The following MAEL variants were observed in gnomAD, a reference collection of about 807,000 sequenced individuals.
MAEL encodes the protein protein maelstrom homolog.
A neutral mutation model predicts 62.0 loss-of-function variants in MAEL; 46 were observed. The ratio of observed to expected loss-of-function variants is 0.74; its 90% CI spans 0.59 to 0.95. The LOEUF is 0.95. Ranked by LOEUF, MAEL falls within the 40% of genes least tolerant of loss-of-function variation. The pLI is 0.00. For synonymous variants in MAEL, 172 were observed against 175.5 expected, an observed-to-expected ratio of 0.98 and a Z score of 0.16; for missense variants, 497 against 526.8, an observed-to-expected ratio of 0.94 and a Z score of 0.55.
intron 1 of MAEL, among the ~76,000 whole-genome samples, chr1:166,979,343 T>A (rs1353791095): frequency 6.7e-6 from 1 of 149,256 alleles, no homozygotes; most frequent in Non-Finnish European, 1.5e-5. Context: ...TTCAAAACCA[T>A]CCTCAATGAA....
At chr1:167,007,700 A>G (rs1004229572) in intron 8 of MAEL, among the ~76,000 whole-genome samples, 3 of 151,934 alleles carry the variant, frequency 2.0e-5, no homozygotes, top group African/African-American at 7.2e-5. Flanking sequence ...TGTAATTTCA[A>G]TCCAATACCA....
At chr1:167,019,451 C>T (rs1048009675) in intron 10 of MAEL, among the ~76,000 whole-genome samples, 31 of 152,088 alleles carry the variant, frequency 2.0e-4, no homozygotes, top group African/African-American at 7.2e-4. Flanking sequence ...GGTCCTATTT[C>T]CCAGCCCTTC....
intron 9 of MAEL, among the ~76,000 whole-genome samples, chr1:167,016,531 G>C (rs1045639443): frequency 2.6e-5 from 4 of 152,128 alleles, no homozygotes; most frequent in African/African-American, 9.7e-5. Flanking sequence ...CTCATACACT[G>C]TTGGTGGGAT....
intron 5 of MAEL, among the ~76,000 whole-genome samples, chr1:166,994,629 G>A (rs1166604546): frequency 6.6e-6 from 1 of 150,718 alleles, no homozygotes; most frequent in Non-Finnish European, 1.5e-5. Flanking sequence ...AAGTGTCAGT[G>A]CATAGGGACT....
rs778657307 is a variant in MAEL, at chr1:166,989,759, A to G, written c.155A>G (p.Glu52Gly). 6 of 1,613,860 alleles carry G rather than the reference A, an allele frequency of 3.7e-6. No individual in the cohort carries two copies. Among genetic ancestry groups the G allele is most frequent in the Admixed American group, 1.7e-5 (1 of 59,984 alleles). The stretch of plus-strand genomic sequence containing the variant: ...AAGCTTCTGAGGGAGGAAGAAAAGG[A>G]GAAATACGCAGAAATGGCTCGAGAA... Reference protein sequence around the residue: ...DWALLREEEKEKYAEMAREWR... With the variant: ...DWALLREEEKGKYAEMAREWR... Residue 52 changes from glutamate to glycine, a missense_variant, in exon 2 of 12, where the codon GAG becomes GGG. Transcript: ENST00000367872.
upstream of MAEL, among the ~76,000 whole-genome samples, chr1:166,984,227 T>C (rs1485706145): frequency 3.9e-5 from 6 of 152,168 alleles, no homozygotes; most frequent in African/African-American, 1.4e-4. Flanking sequence ...AGTTCTATTT[T>C]TCCCAAAATA....
chr1:166,991,315 T>G (rs1664163844), intron 2 of MAEL, 63 bp from the exon 3 acceptor site: 2 of 1,009,492 alleles, frequency 2.0e-6, no homozygotes. Context: ...AGCTAAATTT[T>G]AATGTATGGT....
At chr1:166,985,757 C>T (rs1376545206), upstream of MAEL, among the ~76,000 whole-genome samples, 1 of 152,040 alleles carries the variant, frequency 6.6e-6, no homozygotes. Context: ...TTTACAATGA[C>T]CAGCATCCAA....
At position 166,975,640 on chromosome 1, in the gene MAEL, C is replaced by A; in HGVS notation, c.-147C>A. 2.6e-5 allele frequency: 4 copies of A among 152,236 alleles called. No homozygotes were observed. In the South Asian group the frequency reaches 7.7e-4, roughly 29 times the overall value. The allele number at this position is 152,236 out of a possible 1,614,324, so 9.4% of individuals were successfully genotyped here. On this transcript the variant is annotated 5_prime_UTR_variant, in exon 1 of 13. Coordinates refer to the MAEL transcript ENST00000622874. Reference sequence around the variant, plus strand: ...GCCGCGACTGCCAAAGTTTCTCGGTCACGTGCTGGCCCCCGGCGGCCCAAA... The same window carrying A: ...GCCGCGACTGCCAAAGTTTCTCGGTAACGTGCTGGCCCCCGGCGGCCCAAA...
At chr1:167,007,602 TACAC>T (rs1429121363) in intron 8 of MAEL, among the ~76,000 whole-genome samples, 1 of 142,742 alleles carries the variant, frequency 7.0e-6, no homozygotes, top group African/African-American at 2.7e-5. Context: ...TGTGTGTATG[TACAC>T]ACACACTCCA....
chr1:166,984,994 A>G (rs1663871528), upstream of MAEL, among the ~76,000 whole-genome samples: 1 of 152,214 alleles, frequency 6.6e-6, no homozygotes, highest in Non-Finnish European at 1.5e-5. Context: ...AAATGAATGT[A>G]TCCAGTAGCT....
At chr1:166,988,185 C>T (rs1476183149), upstream of MAEL, among the ~76,000 whole-genome samples, 1 of 151,432 alleles carries the variant, frequency 6.6e-6, no homozygotes, top group Non-Finnish European at 1.5e-5. Flanking sequence ...CTCGTCTCTA[C>T]AAAAAACAGA....
At chr1:167,004,066 C>T (rs982868286) in intron 5 of MAEL, 114 bp from the exon 6 acceptor site, 2 of 850,128 alleles carry the variant, frequency 2.4e-6, no homozygotes, top group African/African-American at 3.5e-5. Context: ...GGGCTTTGTA[C>T]AAGTACTTAA....
Position 167,021,147 on chromosome 1 carries a change from A to G in MAEL, c.1104A>G (p.Ser368=). 6.2e-7 allele frequency: 1 copy of G among 1,611,718 alleles called. No individual in the cohort carries two copies. The highest frequency in any genetic ancestry group is 8.5e-7 in the Non-Finnish European group (1 of 1,178,246). The change falls in exon 11 of 12, where the codon TCA becomes TCG. Residue 368 remains serine, a synonymous_variant. Coordinates refer to ENST00000367872, the MANE Select transcript of MAEL (RefSeq NM_032858.3). ...ACTCTTCTAATGAGGAACAAAGATC[A>G]AACACACCCATTGGTAAGCAACTTA... ...HFNSSNEEQR[S]NTPIGDYPSR...
chr1:166,991,523 A>C (rs1664174858), intron 3 of MAEL, 46 bp downstream of exon 3: 1 of 1,083,650 alleles, frequency 9.2e-7, no homozygotes, highest in African/African-American at 1.5e-5. Context: ...TTGAGTGCCC[A>C]AAACACTATA....
At chr1:166,989,704 G>A in intron 1 of MAEL, 33 bp from the exon 2 acceptor site, 1 of 1,602,528 alleles carries the variant, frequency 6.2e-7, no homozygotes, top group South Asian at 1.1e-5. Context: ...CCTCACGGCT[G>A]TTTCTCTTCT....
chr1:167,005,599 G>C (rs1170406060), intron 8 of MAEL: 1 of 434,860 alleles, frequency 2.3e-6, no homozygotes, highest in Non-Finnish European at 4.0e-6. Flanking sequence ...CAAATAAACT[G>C]TTCTTTCTTA....
intron 9 of MAEL, among the ~76,000 whole-genome samples, chr1:167,016,902 T>C (rs1439072573): frequency 2.6e-5 from 4 of 152,174 alleles, no homozygotes; most frequent in African/African-American, 9.6e-5. Flanking sequence ...ACATCTCATG[T>C]GCTCACTTAT....
In MAEL at chr1:166,989,303, G is replaced by T. The variant is rs751086693; in HGVS notation, c.-50G>T. 1.5e-5 allele frequency: 24 copies of T among 1,574,832 alleles called. No homozygotes were observed. Among genetic ancestry groups the T allele is most frequent in the Non-Finnish European group, 2.1e-5 (24 of 1,158,842 alleles). ...TTACTTAGGGCGGGAGCCCGGCGAG[G>T]GCGCCGGTGCTTTGTTCTGTCTGAG... On this transcript the variant is annotated 5_prime_UTR_variant, in exon 1 of 12. Coordinates refer to ENST00000367872, the MANE Select transcript of MAEL (RefSeq NM_032858.3).
Sources: allele counts gnomAD v4.1 joint callset (sites outside exome capture counted in the v4.1 genomes callset), GRCh38; gene constraint gnomAD v4.1.1; transcripts MANE v1.5; gene names NCBI Gene and HGNC (gene_info 2026-07-23, HGNC 2026-07-21).